The following CHST12 variants were observed in gnomAD, a reference collection of about 807,000 sequenced individuals.
CHST12 encodes carbohydrate sulfotransferase 12, also known as carbohydrate (chondroitin 4) sulfotransferase 12.
CHST12 carries 23 observed loss-of-function variants against 27.9 expected under a neutral mutation model. That is an observed-to-expected ratio of 0.82 (90% confidence interval 0.59 to 1.17). CHST12 has a LOEUF of 1.17. CHST12 is among the 50% of genes most tolerant of loss of function. The pLI, the probability that CHST12 is intolerant of heterozygous loss-of-function variation, is 0.00. For synonymous variants in CHST12, 322 were observed against 273.0 expected, an observed-to-expected ratio of 1.18 and a Z score of -1.77; for missense variants, 682 against 603.0, an observed-to-expected ratio of 1.13 and a Z score of -1.37.
At chr7:2,424,522 C>T (rs540359493) in intron 1 of CHST12, among the ~76,000 whole-genome samples, 39 of 152,210 alleles carry the variant, frequency 2.6e-4, no homozygotes, top group South Asian at 2.1e-4. Context: ...AAGCTTATGC[C>T]GGAAGAAGTC....
At chr7:2,406,212 A>C (rs1427156617) in intron 1 of CHST12, among the ~76,000 whole-genome samples, 1 of 151,792 alleles carries the variant, frequency 6.6e-6, no homozygotes, top group Non-Finnish European at 1.5e-5. Context: ...TGCAGGCGGG[A>C]CTGTGGTTCT....
At chr7:2,421,296 G>C (rs1174972377) in intron 1 of CHST12, among the ~76,000 whole-genome samples, 1 of 143,130 alleles carries the variant, frequency 7.0e-6, no homozygotes, top group African/African-American at 2.6e-5. Context: ...CCCAGGCTGG[G>C]ATGCAGTGGC....
chr7:2,427,920 G>A (rs1367041510), intron 1 of CHST12, among the ~76,000 whole-genome samples: 1 of 151,804 alleles, frequency 6.6e-6, no homozygotes, highest in African/African-American at 2.4e-5. Flanking sequence ...AGATTCAAGC[G>A]ATTCTCCTGC....
chr7:2,443,346 C>A lies in CHST12; in HGVS notation c.*9462C>A, dbSNP rs534450989. 6.6e-6 allele frequency: 1 copy of A among 152,116 alleles called. No individual in the cohort carries two copies. Among genetic ancestry groups the A allele is most frequent in the Non-Finnish European group, 1.5e-5 (1 of 68,074 alleles). 9.4% of individuals were successfully genotyped at this position (152,116 alleles called of 1,614,324 possible). A position where few individuals can be genotyped will look rare whatever the true frequency, so the allele number is the denominator to read the frequency against. On this transcript the variant is annotated 3_prime_UTR_variant, in exon 2 of 2. Coordinates refer to ENST00000618655, the MANE Select transcript of CHST12 (RefSeq NM_018641.5). ...CACTCTTGACCTCAAGTGATCTGCC[C>A]GCCTCGGCCTCCCAAAGTGTTGGGA...
intron 1 of CHST12, among the ~76,000 whole-genome samples, chr7:2,414,644 A>G (rs1174209307): frequency 1.3e-5 from 2 of 152,142 alleles, no homozygotes; most frequent in Admixed American, 6.6e-5. Flanking sequence ...ATAAAGTCCA[A>G]TTTACCACAT....
chr7:2,413,515 G>C (rs1027869267), intron 1 of CHST12, among the ~76,000 whole-genome samples: 1 of 152,032 alleles, frequency 6.6e-6, no homozygotes, highest in Non-Finnish European at 1.5e-5. Context: ...CCATCGCCCC[G>C]AGTTTCTGCG....
At chr7:2,409,745 T>A (rs1346642380) in intron 1 of CHST12, among the ~76,000 whole-genome samples, 2 of 152,204 alleles carry the variant, frequency 1.3e-5, no homozygotes, top group African/African-American at 4.8e-5. Flanking sequence ...TTCATGGATA[T>A]GTATGTGTGG....
rs1368569743 is a variant in CHST12 at position 2,433,871 on chromosome 7, T to C, written c.1232T>C (p.Leu411Pro). ...VLFGYPKPENLLRD is the reference protein window; with the variant it reads ...VLFGYPKPENPLRD Reference sequence around the variant, plus strand: ...TTCGGCTACCCCAAGCCCGAAAACCTCCTCCGAGACTGAAAGCTTTCGCGT... The same window carrying C: ...TTCGGCTACCCCAAGCCCGAAAACCCCCTCCGAGACTGAAAGCTTTCGCGT... The change falls in exon 2 of 2, where the codon CTC (leucine) becomes CCC (proline). Residue 411 changes from leucine to proline, a missense_variant. Transcript: ENST00000618655. The surrounding 1 kb of genome is among the most constrained non-coding windows in gnomAD (Gnocchi z 6.1). 1 of 1,573,430 alleles carries C rather than the reference T, an allele frequency of 6.4e-7. No homozygotes were observed. Among genetic ancestry groups the C allele is most frequent in the South Asian group, 1.1e-5 (1 of 88,990 alleles).
chr7:2,426,643 T>A (rs976690765), intron 1 of CHST12, among the ~76,000 whole-genome samples: 13 of 151,384 alleles, frequency 8.6e-5, no homozygotes, highest in African/African-American at 3.2e-4. Flanking sequence ...TTTTTTTTTT[T>A]AAAGCACTCA....
chr7:2,418,933 A>G (rs901527073), intron 1 of CHST12, among the ~76,000 whole-genome samples: 1 of 152,080 alleles, frequency 6.6e-6, no homozygotes, highest in African/African-American at 2.4e-5. Flanking sequence ...AGTAACTGGG[A>G]CCACAGGTGT....
rs1484357793 is a variant in CHST12, at chr7:2,434,338, G to A, written c.*454G>A. ...TTTGTTTAAGTGTTGTACTTGAAAA[G>A]GTCAATCTTCAGGGCTTCCTGTTTG... is the stretch of plus-strand genomic sequence containing the variant. On this transcript the variant is annotated 3_prime_UTR_variant, in exon 2 of 2. Transcript: ENST00000618655. The A allele has an allele frequency of 5.9e-6, 1 of 170,800 alleles. No individual in the cohort carries two copies. The highest frequency in any genetic ancestry group is 1.4e-5 in the Non-Finnish European group (1 of 70,554). The allele number at this position is 170,800 out of a possible 1,614,324, so 10.6% of individuals were successfully genotyped here. A position where few individuals can be genotyped will look rare whatever the true frequency, so the allele number is the denominator to read the frequency against.
At chr7:2,428,938 C>T (rs1192211145) in intron 1 of CHST12, among the ~76,000 whole-genome samples, 1 of 152,128 alleles carries the variant, frequency 6.6e-6, no homozygotes, top group African/African-American at 2.4e-5. Context: ...AAGATGAGGG[C>T]GTTTATAGCA....
chr7:2,432,473 C>T (rs900608566), intron 1 of CHST12, 90 bp from the exon 2 acceptor site: 1 of 803,414 alleles, frequency 1.2e-6, no homozygotes, highest in Non-Finnish European at 1.9e-6. Flanking sequence ...GCTCCTGCTC[C>T]TCCGGACCCC....
At chr7:2,413,311 A>G (rs921715296) in intron 1 of CHST12, among the ~76,000 whole-genome samples, 2 of 152,216 alleles carry the variant, frequency 1.3e-5, no homozygotes, top group Non-Finnish European at 2.9e-5. Context: ...TTGCATTCAT[A>G]TTAGAGAGAG....
chr7:2,405,363 T>C (rs1781495708), intron 1 of CHST12, among the ~76,000 whole-genome samples: 1 of 152,032 alleles, frequency 6.6e-6, no homozygotes, highest in African/African-American at 2.4e-5. Flanking sequence ...GAGAATAGCT[T>C]GAACCTGGAG....
rs1782628919 is a variant in CHST12 at position 2,442,376 on chromosome 7, T to A, written c.*8492T>A. ...ATACCTGTTCAAGTCCCTGCTGTTT[T>A]CTTTTGAGACGGAGTCTCGCTCTGT... On this transcript the variant is annotated 3_prime_UTR_variant, in exon 2 of 2. Transcript: ENST00000618655. 6.6e-6 allele frequency: 1 copy of A among 152,250 alleles called. No individual in the cohort carries two copies. The highest frequency in any genetic ancestry group is 2.4e-5 in the African/African-American group (1 of 41,440). The allele number at this position is 152,250 out of a possible 1,614,324, so 9.4% of individuals were successfully genotyped here. A position where few individuals can be genotyped will look rare whatever the true frequency, so the allele number is the denominator to read the frequency against.
At chr7:2,410,329 CAGTG>C (rs1781635156) in intron 1 of CHST12, among the ~76,000 whole-genome samples, 1 of 152,124 alleles carries the variant, frequency 6.6e-6, no homozygotes, top group South Asian at 2.1e-4. Flanking sequence ...TGCAGGAAGA[CAGTG>C]AGTGGATTAA....
intron 1 of CHST12, among the ~76,000 whole-genome samples, chr7:2,416,490 A>G (rs572271538): frequency 3.5e-4 from 53 of 152,248 alleles, no homozygotes; most frequent in South Asian, 1.7e-3. Context: ...AGGAATCACT[A>G]TGGCAGCTTT....
intron 1 of CHST12, among the ~76,000 whole-genome samples, chr7:2,430,218 G>T (rs1334629663): frequency 1.3e-5 from 2 of 151,784 alleles, no homozygotes; most frequent in African/African-American, 4.8e-5. Context: ...CCAGGAATTT[G>T]TGTTTGTGGA....
Sources: allele counts gnomAD v4.1 joint callset (sites outside exome capture counted in the v4.1 genomes callset), GRCh38; gene constraint gnomAD v4.1.1; non-coding constraint Gnocchi (gnomAD v3.1); transcripts MANE v1.5; gene names NCBI Gene and HGNC (gene_info 2026-07-23, HGNC 2026-07-21).